NUP88: variants seen among roughly 807,000 people sequenced by gnomAD.
The protein encoded by NUP88 is nuclear pore complex protein Nup88.
A neutral mutation model predicts 93.9 loss-of-function variants in NUP88; 57 were observed. The ratio of observed to expected loss-of-function variants is 0.61; its 90% CI spans 0.49 to 0.76. NUP88 has a LOEUF of 0.76. Among genes scored for constraint, NUP88 ranks in the 30% least tolerant of loss-of-function variants. The pLI, the probability that NUP88 is intolerant of heterozygous loss-of-function variation, is 0.00. For synonymous variants in NUP88, 346 were observed against 336.8 expected (o/e 1.03, Z -0.30); for missense variants, 911 against 901.0 (o/e 1.01, Z -0.14).
Position 5,399,654 on chromosome 17 carries a change from CA to C in NUP88, c.1193-5del. ...TATCTTGAAGGACACTTGGGATCTGCAAATGGAATGATTAATGATACAAAGG... is the reference window on the plus strand; with the variant it reads ...TATCTTGAAGGACACTTGGGATCTGCAATGGAATGATTAATGATACAAAGG... On this transcript the variant is annotated splice_polypyrimidine_tract_variant and splice_region_variant and intron_variant, in intron 7 of 16. Coordinates refer to ENST00000573584, the MANE Select transcript of NUP88 (RefSeq NM_002532.6). The C allele has an allele frequency of 6.6e-7, 1 of 1,523,622 alleles. No homozygotes were observed. The highest frequency in any genetic ancestry group is 9.1e-7 in the Non-Finnish European group (1 of 1,104,282). The allele number at this position is 1,523,622 out of a possible 1,614,324, so 94.4% of individuals were successfully genotyped here. A position where few individuals can be genotyped will look rare whatever the true frequency, so the allele number is the denominator to read the frequency against.
chr17:5,413,360 G>A (rs3026144), intron 3 of NUP88, among the ~76,000 whole-genome samples: 66,481 of 152,080 alleles, frequency 0.44, 15,303 homozygotes, highest in East Asian at 0.84. Context: ...ATTAAGGGGT[G>A]AGTCATTCAG....
At chr17:5,393,247 G>A (rs911530509) in intron 9 of NUP88, among the ~76,000 whole-genome samples, 1 of 151,442 alleles carries the variant, frequency 6.6e-6, no homozygotes, top group East Asian at 1.9e-4. Context: ...GAGCCACCAC[G>A]CCTGGCCTCA....
intron 3 of NUP88, among the ~76,000 whole-genome samples, chr17:5,411,409 C>T (rs1255619555): frequency 1.3e-5 from 2 of 151,932 alleles, no homozygotes; most frequent in Non-Finnish European, 2.9e-5. Flanking sequence ...ACTAAAAATA[C>T]AAAAATTATT....
Position 5,386,286 on chromosome 17 carries a change from T to G in NUP88, c.2163-17A>C, listed in dbSNP as rs1401845729. ...TGTTCACCCCTGTAAAATTGTAAAG[T>G]CACTCACTTTTGGAATTATAATAAA... On this transcript the variant is annotated splice_polypyrimidine_tract_variant and intron_variant, in intron 16 of 16. Coordinates refer to ENST00000573584, the MANE Select transcript of NUP88 (RefSeq NM_002532.6). 1.9e-6 allele frequency: 3 copies of G among 1,581,074 alleles called. No homozygotes were observed. The highest frequency in any genetic ancestry group is 1.8e-5 in the Admixed American group (1 of 56,596).
chr17:5,412,240 T>G (rs1348519668), intron 3 of NUP88, among the ~76,000 whole-genome samples: 1 of 152,194 alleles, frequency 6.6e-6, no homozygotes, highest in Non-Finnish European at 1.5e-5. Context: ...AAAGATTCCT[T>G]AGGAGTACAG....
chr17:5,402,114 C>CTGG (rs1352255715), intron 7 of NUP88, among the ~76,000 whole-genome samples: 2 of 152,156 alleles, frequency 1.3e-5, no homozygotes, highest in African/African-American at 4.8e-5. Flanking sequence ...CGAGACCAGC[C>CTGG]TGACCAACAT....
intron 9 of NUP88, among the ~76,000 whole-genome samples, chr17:5,392,876 A>G (rs2144768709): frequency 6.6e-6 from 1 of 152,218 alleles, no homozygotes; most frequent in East Asian, 1.9e-4. Context: ...TGCAGCCTTG[A>G]CCTCGTGGGC....
chr17:5,400,065 A>G (rs1347774913), intron 7 of NUP88, among the ~76,000 whole-genome samples: 1 of 116,410 alleles, frequency 8.6e-6, no homozygotes, highest in African/African-American at 3.1e-5. Flanking sequence ...ATGCTGACAC[A>G]GAGACAGCAC....
In NUP88 at chr17:5,419,625, C is replaced by A; in HGVS notation, c.26G>T (p.Gly9Val). MAAAEGPV[G>V]DGELWQTWLP... is the part of the protein sequence containing the mutation. ...CCAGGTCTGCCACAGCTCGCCGTCG[C>A]CCACCGGTCCCTCGGCGGCCGCCAT... Residue 9 changes from glycine to valine, a missense_variant, in exon 1 of 17, where the codon GGC becomes GTC. Gly to Val is a moderately radical substitution (Grantham distance 109). Transcript: ENST00000573584. The A allele has an allele frequency of 8.2e-6, 13 of 1,594,504 alleles. No individual in the cohort carries two copies. Among genetic ancestry groups the A allele is most frequent in the Non-Finnish European group, 1.1e-5 (13 of 1,169,130 alleles).
intron 8 of NUP88, among the ~76,000 whole-genome samples, chr17:5,397,350 ATTT>A (rs56312052): frequency 6.7e-6 from 1 of 149,698 alleles, no homozygotes; most frequent in Non-Finnish European, 1.5e-5. Context: ...TCTTAAAAGA[ATTT>A]TTTTTTTTTA....
intron 1 of NUP88, among the ~76,000 whole-genome samples, chr17:5,419,052 G>A (rs1025493612): frequency 6.6e-6 from 1 of 152,150 alleles, no homozygotes; most frequent in Non-Finnish European, 1.5e-5. Flanking sequence ...TTCTCTCGAC[G>A]AAACTAAAAA....
chr17:5,399,978 T>C (rs1243224787), intron 7 of NUP88, among the ~76,000 whole-genome samples: 1 of 152,052 alleles, frequency 6.6e-6, no homozygotes, highest in Non-Finnish European at 1.5e-5. Context: ...CAGAAAGTTA[T>C]GTTTATACTA....
chr17:5,399,951 G>A (rs916702439), intron 7 of NUP88, among the ~76,000 whole-genome samples: 5 of 151,932 alleles, frequency 3.3e-5, no homozygotes, highest in African/African-American at 1.2e-4. Flanking sequence ...ACATAAGAAC[G>A]TTATGTTTAC....
chr17:5,408,703 C>A (rs750455229), intron 5 of NUP88, 30 bp downstream of exon 5: 1 of 1,541,982 alleles, frequency 6.5e-7, no homozygotes, highest in Non-Finnish European at 8.7e-7. Context: ...ACTGAGTTTT[C>A]ATTTCAGGTG....
intron 10 of NUP88, 32 bp downstream of exon 10, chr17:5,391,529 G>T (rs186864028): frequency 6.5e-7 from 1 of 1,535,064 alleles, no homozygotes; most frequent in East Asian, 2.3e-5. Context: ...GAATTAACAA[G>T]AGCTGTGTGG....
intron 2 of NUP88, among the ~76,000 whole-genome samples, chr17:5,416,212 ATACT>A (rs1198548240): frequency 7.4e-6 from 1 of 134,316 alleles, no homozygotes; most frequent in Non-Finnish European, 1.6e-5. Context: ...CACACATAAA[ATACT>A]TACACTTCTG....
chr17:5,414,883 C>T (rs1381505709), intron 2 of NUP88, among the ~76,000 whole-genome samples: 1 of 152,020 alleles, frequency 6.6e-6, no homozygotes, highest in Non-Finnish European at 1.5e-5. Context: ...TGCCACTGCA[C>T]TCCAGCCCGG....
intron 2 of NUP88, among the ~76,000 whole-genome samples, chr17:5,416,180 T>TATATATATATATACACACAC (rs1374990658): frequency 9.3e-6 from 1 of 107,338 alleles, no homozygotes; most frequent in Non-Finnish European, 1.8e-5. Context: ...TATATATATA[T>TATATATATATATACACACAC]ACACACATAC....
At chr17:5,400,026 A>C (rs79565524) in intron 7 of NUP88, among the ~76,000 whole-genome samples, 1 of 150,554 alleles carries the variant, frequency 6.6e-6, no homozygotes, top group South Asian at 2.1e-4. Context: ...AAATATGTAC[A>C]TACCTTAACC....
Sources: allele counts gnomAD v4.1 joint callset (sites outside exome capture counted in the v4.1 genomes callset), GRCh38; gene constraint gnomAD v4.1.1; transcripts MANE v1.5; gene names NCBI Gene and HGNC (gene_info 2026-07-23, HGNC 2026-07-21).